CFAP96: variants seen among roughly 807,000 people sequenced by gnomAD.
CFAP96 encodes cilia-and flagella-associated protein 96.
At chr4:185,433,487 GAA>G in the CFAP96 span, among the ~76,000 whole-genome samples, 2 of 151,268 alleles carry the variant, frequency 1.3e-5, no homozygotes, top group Non-Finnish European at 2.9e-5. Flanking sequence ...GATGATAACC[GAA>G]GTCTAATTTT....
chr4:185,418,615 C>T, the CFAP96 span: 2 of 1,613,378 alleles, frequency 1.2e-6, no homozygotes, highest in Admixed American at 1.7e-5. Flanking sequence ...TTCTTACAAG[C>T]AGAAGCATCA....
chr4:185,445,461 G>T, the CFAP96 span: 69,368 of 1,387,580 alleles, frequency 0.05, 2,879 homozygotes, highest in African/African-American at 0.19. Flanking sequence ...ATTAACATTG[G>T]CTATTTCTCG....
At chr4:185,420,317 T>A in the CFAP96 span, among the ~76,000 whole-genome samples, 1 of 152,198 alleles carries the variant, frequency 6.6e-6, no homozygotes, top group Non-Finnish European at 1.5e-5. Flanking sequence ...TTTAATATTT[T>A]TGAATATTTG....
chr4:185,436,771 TTCTA>T, the CFAP96 span, among the ~76,000 whole-genome samples: 2 of 150,706 alleles, frequency 1.3e-5, no homozygotes, highest in Non-Finnish European at 3.0e-5. Context: ...TTTTGTTTTG[TTCTA>T]TCTATTTGTA....
chr4:185,416,303 T>C, the CFAP96 span, among the ~76,000 whole-genome samples: 4 of 152,268 alleles, frequency 2.6e-5, no homozygotes, highest in African/African-American at 7.2e-5. Flanking sequence ...ACTTTTGTAC[T>C]GATTTAAAAT....
At chr4:185,433,838 G>A in the CFAP96 span, among the ~76,000 whole-genome samples, 1 of 152,170 alleles carries the variant, frequency 6.6e-6, no homozygotes, top group South Asian at 2.1e-4. Flanking sequence ...GGAGGCGGAG[G>A]CTGCAGTGAG....
At chr4:185,422,659 T>C in the CFAP96 span, 1 of 793,086 alleles carries the variant, frequency 1.3e-6, no homozygotes, top group South Asian at 2.1e-5. Flanking sequence ...AAGACATTAA[T>C]TAACCTTGAT....
the CFAP96 span, chr4:185,445,649 G>A: frequency 1.4e-6 from 1 of 693,530 alleles, no homozygotes; most frequent in Non-Finnish European, 2.4e-6. Flanking sequence ...TTTTATCCAG[G>A]TTTTGCATAC....
At chr4:185,410,215 A>T in the CFAP96 span, among the ~76,000 whole-genome samples, 1 of 152,220 alleles carries the variant, frequency 6.6e-6, no homozygotes, top group African/African-American at 2.4e-5. Context: ...ACACTTCTAA[A>T]TAATACATGG....
At chr4:185,432,687 A>G in the CFAP96 span, among the ~76,000 whole-genome samples, 1 of 151,750 alleles carries the variant, frequency 6.6e-6, no homozygotes, top group Non-Finnish European at 1.5e-5. Context: ...ATATAGAGAG[A>G]CCCCATCTCT....
chr4:185,429,571 AATTTAAT>A, the CFAP96 span: 2 of 931,258 alleles, frequency 2.1e-6, no homozygotes, highest in Non-Finnish European at 3.2e-6. Flanking sequence ...TAAAATTTAG[AATTTAAT>A]ATTTAAGTCA....
chr4:185,448,904 T>C, the CFAP96 span, among the ~76,000 whole-genome samples: 28 of 152,208 alleles, frequency 1.8e-4, no homozygotes, highest in African/African-American at 6.8e-4. Flanking sequence ...AAGTGATTAT[T>C]CTTTTGAAAA....
At chr4:185,441,078 G>T in the CFAP96 span, among the ~76,000 whole-genome samples, 1 of 151,900 alleles carries the variant, frequency 6.6e-6, no homozygotes, top group African/African-American at 2.4e-5. Flanking sequence ...AGCCTCCAGA[G>T]TAGCTGAGAT....
chr4:185,424,384 C>G, the CFAP96 span, among the ~76,000 whole-genome samples: 16 of 152,180 alleles, frequency 1.1e-4, no homozygotes, highest in African/African-American at 3.9e-4. Context: ...ATCCTCAGAA[C>G]AGTATTAAAT....
At chr4:185,448,090 G>T in the CFAP96 span, among the ~76,000 whole-genome samples, 1 of 151,454 alleles carries the variant, frequency 6.6e-6, no homozygotes, top group Non-Finnish European at 1.5e-5. Flanking sequence ...GTGTGATCTC[G>T]GCTCACTGCA....
At chr4:185,434,144 G>A in the CFAP96 span, among the ~76,000 whole-genome samples, 6 of 151,950 alleles carry the variant, frequency 3.9e-5, no homozygotes, top group Non-Finnish European at 5.9e-5. Flanking sequence ...CACTTGAGCC[G>A]GGAGTTTGAG....
chr4:185,445,046 C>G, the CFAP96 span: 2 of 1,551,570 alleles, frequency 1.3e-6, no homozygotes, highest in Non-Finnish European at 1.7e-6. Flanking sequence ...GCAAATATTT[C>G]TGGCAAAGAT....
At chr4:185,440,470 A>C in the CFAP96 span, 2 of 965,180 alleles carry the variant, frequency 2.1e-6, no homozygotes, top group Non-Finnish European at 3.0e-6. Flanking sequence ...AAAATGTAAA[A>C]GATTTAACTC....
chr4:185,429,920 C>T, the CFAP96 span, among the ~76,000 whole-genome samples: 1 of 152,292 alleles, frequency 6.6e-6, no homozygotes, highest in Admixed American at 6.5e-5. Flanking sequence ...ACCCTCCCCA[C>T]TCAGCGTGCC....
Sources: allele counts gnomAD v4.1 joint callset (sites outside exome capture counted in the v4.1 genomes callset), GRCh38; gene constraint gnomAD v4.1.1; transcripts MANE v1.5; gene names NCBI Gene and HGNC (gene_info 2026-07-23, HGNC 2026-07-21).